Variants in DIP2C observed in about 807,000 individuals in gnomAD.
DIP2C encodes DIP2 acetate--CoA ligase C (putative).
A neutral mutation model predicts 192.4 loss-of-function variants in DIP2C; 33 were observed. That is an observed-to-expected ratio of 0.17 (90% CI 0.13 to 0.23). The LOEUF is 0.23. Among genes scored for constraint, DIP2C ranks in the 10% least tolerant of loss-of-function variants. The pLI, the probability that DIP2C is intolerant of heterozygous loss-of-function variation, is 1.00. For missense variants in DIP2C, 1,537 were observed against 2,110.1 expected (o/e 0.73, Z 5.32); for synonymous variants, 979 against 864.1 (o/e 1.13, Z -2.33).
intron 31 of DIP2C, among the ~76,000 whole-genome samples, chr10:315,619 C>A (rs1359038759): frequency 1.3e-5 from 2 of 152,202 alleles, no homozygotes; most frequent in Non-Finnish European, 2.9e-5. Flanking sequence ...ATTGACTCTG[C>A]CACTGACTTT....
At chr10:476,701 T>C (rs1843059333) in intron 2 of DIP2C, among the ~76,000 whole-genome samples, 1 of 152,174 alleles carries the variant, frequency 6.6e-6, no homozygotes, top group Non-Finnish European at 1.5e-5. Flanking sequence ...GTCATTCTCC[T>C]GGTACCTGCA....
At chr10:470,792 C>T (rs781450179) in intron 3 of DIP2C, among the ~76,000 whole-genome samples, 11 of 152,180 alleles carry the variant, frequency 7.2e-5, no homozygotes, top group African/African-American at 1.4e-4. Flanking sequence ...CCCGTGTGAT[C>T]GTCAGCCATT....
rs1270172644 is a variant in DIP2C, at chr10:652,675, C to T, written c.85+36819G>A. On this transcript the variant is annotated intron_variant, in intron 1 of 36. Coordinates refer to ENST00000280886, the MANE Select transcript of DIP2C (RefSeq NM_014974.3). The surrounding 1 kb of genome is among the most constrained non-coding windows in gnomAD (Gnocchi z 4.5). ...AAATAACACCATGTCCTCCTTTCCACACACTCCCAAGCCTCCCATCCCACT... is the reference window on the plus strand; with the variant it reads ...AAATAACACCATGTCCTCCTTTCCATACACTCCCAAGCCTCCCATCCCACT... 6.6e-6 allele frequency: 1 copy of T among 152,626 alleles called. No homozygotes were observed. Among genetic ancestry groups the T allele is most frequent in the African/African-American group, 2.4e-5 (1 of 41,460 alleles). 9.5% of individuals were successfully genotyped at this position (152,626 alleles called of 1,614,324 possible).
At chr10:307,187 ACTT>A (rs989133022) in intron 32 of DIP2C, among the ~76,000 whole-genome samples, 1 of 152,118 alleles carries the variant, frequency 6.6e-6, no homozygotes, top group Non-Finnish European at 1.5e-5. Flanking sequence ...TGCCAAATAC[ACTT>A]CTTTTCTTTA....
At chr10:378,175 A>G (rs1320078712) in intron 17 of DIP2C, among the ~76,000 whole-genome samples, 2 of 152,216 alleles carry the variant, frequency 1.3e-5, no homozygotes, top group Admixed American at 6.5e-5. Flanking sequence ...ACATCGGGAG[A>G]AAAGAAAACA....
At chr10:683,084 G>A (rs892710968) in intron 1 of DIP2C, among the ~76,000 whole-genome samples, 3 of 152,162 alleles carry the variant, frequency 2.0e-5, no homozygotes, top group Admixed American at 6.5e-5. Context: ...AACATACCCC[G>A]CAGCCCAAAA....
At chr10:295,934 G>A (rs577515960) in intron 32 of DIP2C, among the ~76,000 whole-genome samples, 2 of 152,302 alleles carry the variant, frequency 1.3e-5, no homozygotes, top group East Asian at 1.9e-4. Context: ...AGAAGTGTCT[G>A]TTCATATCCT....
chr10:667,659 TCACAA>T (rs999963310), intron 1 of DIP2C: 8 of 151,248 alleles, frequency 5.3e-5, no homozygotes, highest in East Asian at 2.0e-4. Flanking sequence ...TGCATGCAAC[TCACAA>T]CACAACACGT....
At chr10:419,955 A>G (rs764970898) in intron 5 of DIP2C, among the ~76,000 whole-genome samples, 1 of 152,162 alleles carries the variant, frequency 6.6e-6, no homozygotes, top group Non-Finnish European at 1.5e-5. Flanking sequence ...TGAATAACGC[A>G]TTGAGGAAGA....
At chr10:479,722 TATA>T (rs1437512829) in intron 2 of DIP2C, among the ~76,000 whole-genome samples, 1 of 152,188 alleles carries the variant, frequency 6.6e-6, no homozygotes, top group African/African-American at 2.4e-5. Flanking sequence ...CTTTTCCTAT[TATA>T]ATGTTTTAAC....
In DIP2C at chr10:422,534, G is replaced by C. The variant is rs118113032; in HGVS notation, c.604+290C>G. Among the ~76,000 whole-genome samples the C allele has an allele frequency of 4.8e-3, 737 of 152,270 alleles. 5 individuals are homozygous for C. The highest frequency in any genetic ancestry group is 8.3e-3 in the Non-Finnish European group (565 of 68,034). ...ATTTAAAACCCTGTCCTGTTGATTG[G>C]GACTGTTAAGGTTTCATGTAGGAGC... On this transcript the variant is annotated intron_variant, in intron 5 of 36. Coordinates refer to ENST00000280886, the MANE Select transcript of DIP2C (RefSeq NM_014974.3).
At chr10:334,384 A>AT (rs1411199392) in intron 29 of DIP2C, among the ~76,000 whole-genome samples, 1 of 150,922 alleles carries the variant, frequency 6.6e-6, no homozygotes, top group Admixed American at 6.6e-5. Flanking sequence ...ATTTGCAAAT[A>AT]TTTTTTCCCA....
chr10:638,827 G>A (rs1442270532), intron 1 of DIP2C, among the ~76,000 whole-genome samples: 1 of 152,222 alleles, frequency 6.6e-6, no homozygotes, highest in Non-Finnish European at 1.5e-5. Context: ...CTGGAGTAAT[G>A]GAAAGAGGTG....
At chr10:541,535 C>G (rs1158858322) in intron 1 of DIP2C, among the ~76,000 whole-genome samples, 2 of 147,208 alleles carry the variant, frequency 1.4e-5, no homozygotes, top group Non-Finnish European at 3.0e-5. Context: ...CCCATCTCTC[C>G]TCGACCCCAC....
At chr10:450,715 A>C (rs1050358557) in intron 3 of DIP2C, among the ~76,000 whole-genome samples, 5 of 152,158 alleles carry the variant, frequency 3.3e-5, no homozygotes, top group African/African-American at 1.2e-4. Flanking sequence ...ACAGCCTTGG[A>C]AAGTACACTT....
At chr10:537,551 G>C (rs1486408191) in intron 1 of DIP2C, among the ~76,000 whole-genome samples, 1 of 150,968 alleles carries the variant, frequency 6.6e-6, no homozygotes, top group Non-Finnish European at 1.5e-5. Flanking sequence ...AGGGCACCCA[G>C]CATCCTGCCC....
At position 366,268 on chromosome 10, in the gene DIP2C, C is replaced by T. The variant is rs772313552; in HGVS notation, c.2268+7G>A. 1 of 1,612,070 alleles carries T rather than the reference C, an allele frequency of 6.2e-7. No individual in the cohort carries two copies. The highest frequency in any genetic ancestry group is 1.1e-5 in the South Asian group (1 of 90,402). The stretch of plus-strand genomic sequence containing the variant: ...TGGTGCCCATGGTAAGACTCTCCTC[C>T]ACCTACCTCAAAGGTGTTCTTGGTC... On this transcript the variant is annotated splice_region_variant and intron_variant, in intron 19 of 36. Coordinates refer to ENST00000280886, the MANE Select transcript of DIP2C (RefSeq NM_014974.3).
chr10:538,390 A>AG (rs751531223), intron 1 of DIP2C, among the ~76,000 whole-genome samples: 1 of 152,220 alleles, frequency 6.6e-6, no homozygotes, highest in Non-Finnish European at 1.5e-5. Flanking sequence ...CCTGGCCTCA[A>AG]GGTATCCTTC....
chr10:531,058 G>C (rs1422213816), intron 1 of DIP2C, among the ~76,000 whole-genome samples: 1 of 152,102 alleles, frequency 6.6e-6, no homozygotes, highest in Non-Finnish European at 1.5e-5. Context: ...AGCCAGTCTC[G>C]GCTGTTGACA....
Sources: gnomAD v4.1 joint callset for allele counts (sites outside exome capture counted in the v4.1 genomes callset) on GRCh38, gnomAD v4.1.1 for gene constraint, Gnocchi (gnomAD v3.1) non-coding constraint, MANE v1.5 for transcripts, NCBI Gene and HGNC (gene_info 2026-07-23, HGNC 2026-07-21) for gene names.